Variants in UNC5D observed in about 807,000 individuals in gnomAD.
UNC5D encodes the protein netrin receptor UNC5D.
Under a neutral mutation model 105.4 loss-of-function variants are expected in UNC5D, and 39 were observed. That is an observed-to-expected ratio of 0.37 (90% CI 0.29 to 0.48). UNC5D has a LOEUF of 0.48. UNC5D is among the 20% of genes least tolerant of loss of function. The pLI is 0.98. For missense variants in UNC5D, 991 were observed against 1,202.4 expected (o/e 0.82, Z 2.60); for synonymous variants, 452 against 450.4 (o/e 1.00, Z -0.04).
At chr8:35,370,081 T>C (rs988603471) in intron 1 of UNC5D, among the ~76,000 whole-genome samples, 2 of 152,198 alleles carry the variant, frequency 1.3e-5, no homozygotes, top group African/African-American at 4.8e-5. Context: ...GCAGACTTTG[T>C]AAGAAGCTAA....
At chr8:35,479,251 A>G (rs772292683) in intron 1 of UNC5D, among the ~76,000 whole-genome samples, 17 of 152,134 alleles carry the variant, frequency 1.1e-4, no homozygotes, top group Non-Finnish European at 2.2e-4. Flanking sequence ...TTGATTCCTT[A>G]TGAAGGCAAT....
chr8:35,262,402 T>G (rs1188644688), intron 1 of UNC5D, among the ~76,000 whole-genome samples: 2 of 152,224 alleles, frequency 1.3e-5, no homozygotes, highest in Non-Finnish European at 2.9e-5. Flanking sequence ...CCCTGTTTTC[T>G]TAAATATTTG....
chr8:35,439,764 G>A (rs1250940675), intron 1 of UNC5D, among the ~76,000 whole-genome samples: 3 of 151,826 alleles, frequency 2.0e-5, no homozygotes, highest in East Asian at 1.9e-4. Context: ...ATGGAAAGTC[G>A]TTTTCCTAAA....
At chr8:35,669,341 G>A (rs958740788) in intron 4 of UNC5D, among the ~76,000 whole-genome samples, 6 of 151,764 alleles carry the variant, frequency 4.0e-5, no homozygotes, top group Non-Finnish European at 7.4e-5. Context: ...GGTGCTCTTT[G>A]TGTATTAGGG....
intron 4 of UNC5D, among the ~76,000 whole-genome samples, chr8:35,621,254 T>G (rs1379159799): frequency 6.6e-6 from 1 of 152,066 alleles, no homozygotes; most frequent in East Asian, 1.9e-4. Flanking sequence ...TTGAATTGAG[T>G]CCAGCATCAA....
At chr8:35,555,177 C>T (rs191960989) in intron 2 of UNC5D, among the ~76,000 whole-genome samples, 1 of 152,232 alleles carries the variant, frequency 6.6e-6, no homozygotes, top group East Asian at 1.9e-4. Context: ...TTGTGGGTTT[C>T]AAACTCACTT....
chr8:35,679,176 G>A (rs1481974724), intron 4 of UNC5D, among the ~76,000 whole-genome samples: 1 of 152,144 alleles, frequency 6.6e-6, no homozygotes, highest in Non-Finnish European at 1.5e-5. Context: ...CTTCAGCCTG[G>A]AAGGTCAAGG....
intron 7 of UNC5D, among the ~76,000 whole-genome samples, chr8:35,691,972 T>G (rs1200096739): frequency 1.3e-5 from 2 of 152,148 alleles, no homozygotes; most frequent in African/African-American, 4.8e-5. Context: ...AGATGTGTAG[T>G]GAGACTAAAG....
chr8:35,600,342 G>T (rs147504570), intron 4 of UNC5D, among the ~76,000 whole-genome samples: 1,965 of 152,246 alleles, frequency 0.013, 39 homozygotes, highest in African/African-American at 0.044. Context: ...TGGTTGAAAT[G>T]GTATTTCTAG....
At chr8:35,248,108 T>A (rs1238050221) in intron 1 of UNC5D, among the ~76,000 whole-genome samples, 28 of 63,018 alleles carry the variant, frequency 4.4e-4, no homozygotes, top group African/African-American at 8.2e-4. Flanking sequence ...ATATTATATA[T>A]AAAAAATATA....
intron 8 of UNC5D, among the ~76,000 whole-genome samples, chr8:35,712,824 C>T (rs1828037399): frequency 6.6e-6 from 1 of 152,184 alleles, no homozygotes. Flanking sequence ...GATTTCTAGG[C>T]TCTCCTAAGC....
intron 4 of UNC5D, among the ~76,000 whole-genome samples, chr8:35,640,741 A>G (rs1367103331): frequency 1.3e-5 from 2 of 152,194 alleles, no homozygotes; most frequent in Non-Finnish European, 2.9e-5. Context: ...TTTAAGTGTC[A>G]TGTCTTTTGA....
intron 1 of UNC5D, among the ~76,000 whole-genome samples, chr8:35,373,175 C>T (rs927475946): frequency 1.3e-5 from 2 of 152,164 alleles, no homozygotes; most frequent in Non-Finnish European, 2.9e-5. Context: ...AATGCTCAGC[C>T]TATCTTGATT....
rs1236436773 is a variant in UNC5D, at chr8:35,684,712, G to A, written c.882G>A (p.Met294Ile). 8 of 1,613,810 alleles carry A rather than the reference G, an allele frequency of 5.0e-6. No individual in the cohort carries two copies. The highest frequency in any genetic ancestry group is 3.3e-4 in the Middle Eastern group (2 of 6,054). ...PLNGGAFCEG[M>I]SVQKITCTSL... The stretch of plus-strand genomic sequence containing the variant: ...ATGGTGGGGCCTTTTGTGAGGGAAT[G>A]TCAGTGCAGAAAATAACCTGCACTT... Residue 294 changes from methionine (M) to isoleucine (I), a missense_variant, in exon 6 of 17, where the codon ATG becomes ATA. By Grantham distance (10) the Met-to-Ile change is conservative (BLOSUM62 1). Around this residue, in one of 3 missense-constraint regions of UNC5D, gnomAD observed 944 missense variants for 1,131.6 expected, o/e 0.83. Coordinates refer to ENST00000404895, the MANE Select transcript of UNC5D (RefSeq NM_080872.4).
At chr8:35,294,558 G>A (rs1203117299) in intron 1 of UNC5D, among the ~76,000 whole-genome samples, 2 of 151,924 alleles carry the variant, frequency 1.3e-5, no homozygotes, top group African/African-American at 4.8e-5. Flanking sequence ...ATCTATAGGG[G>A]TGCCTTTCTT....
chr8:35,328,537 A>G (rs1240346311), intron 1 of UNC5D, among the ~76,000 whole-genome samples: 1 of 152,150 alleles, frequency 6.6e-6, no homozygotes, highest in Non-Finnish European at 1.5e-5. Flanking sequence ...TTTGTCTTCT[A>G]ACTGTAATAA....
chr8:35,546,747 A>G (rs2130669290), intron 1 of UNC5D, among the ~76,000 whole-genome samples: 1 of 152,336 alleles, frequency 6.6e-6, no homozygotes, highest in East Asian at 1.9e-4. Context: ...CAGTAACAAA[A>G]CAAATTAATA....
At chr8:35,598,707 A>G (rs761688168) in intron 4 of UNC5D, among the ~76,000 whole-genome samples, 4 of 152,214 alleles carry the variant, frequency 2.6e-5, no homozygotes, top group Non-Finnish European at 5.9e-5. Context: ...TGCACACACA[A>G]TGGAATACTA....
At chr8:35,391,159 T>G (rs1169053636) in intron 1 of UNC5D, among the ~76,000 whole-genome samples, 1 of 152,228 alleles carries the variant, frequency 6.6e-6, no homozygotes, top group African/African-American at 2.4e-5. Context: ...AAACTAGACC[T>G]GGTTCTGCTG....
Sources: gnomAD v4.1 joint callset for allele counts (sites outside exome capture counted in the v4.1 genomes callset) on GRCh38, gnomAD v4.1.1 for gene constraint, gnomAD v4.1.1 regional missense constraint, MANE v1.5 for transcripts, NCBI Gene and HGNC (gene_info 2026-07-23, HGNC 2026-07-21) for gene names.